DNAH12: variants seen among roughly 807,000 people sequenced by gnomAD.
DNAH12 encodes axonemal beta dynein heavy chain 12.
Under a neutral mutation model 371.5 loss-of-function variants are expected in DNAH12, and 285 were observed. That is an observed-to-expected ratio of 0.77 (90% CI 0.70 to 0.85). DNAH12 has a LOEUF of 0.85. Among genes scored for constraint, DNAH12 ranks in the 40% least tolerant of loss-of-function variants. DNAH12 has a pLI of 0.00. For synonymous variants in DNAH12, 1,200 were observed against 1,213.0 expected (o/e 0.99, Z 0.22); for missense variants, 3,611 against 3,689.4 (o/e 0.98, Z 0.55).
intron 73 of DNAH12, among the ~76,000 whole-genome samples, chr3:57,295,221 T>G (rs2061208515): frequency 6.6e-6 from 1 of 152,024 alleles, no homozygotes; most frequent in East Asian, 1.9e-4. Flanking sequence ...GAATTCAGAA[T>G]CAAAATATGG....
At position 57,462,900 on chromosome 3, in the gene DNAH12, A is replaced by T. The variant is rs750255602; in HGVS notation, c.2350-25T>A. 15 of 1,515,766 alleles carry T rather than the reference A, an allele frequency of 9.9e-6. No homozygotes were observed. In the Admixed American group the frequency reaches 2.0e-4, roughly 20 times the overall value. 93.9% of individuals were successfully genotyped at this position (1,515,766 alleles called of 1,614,324 possible). On this transcript the variant is annotated intron_variant, in intron 17 of 73. Transcript: ENST00000495027. ...CCTAATGGCAAAAATATAAACAATT[A>T]TGAGTCACTCATTTGACTTCCACAC... is the stretch of plus-strand genomic sequence containing the variant.
At chr3:57,523,325 G>A (rs1325474715) in intron 4 of DNAH12, among the ~76,000 whole-genome samples, 1 of 152,114 alleles carries the variant, frequency 6.6e-6, no homozygotes, top group East Asian at 1.9e-4. Context: ...TGGGGCTGCA[G>A]TGACCCGAGA....
chr3:57,420,574 C>T (rs1031498545), intron 36 of DNAH12, among the ~76,000 whole-genome samples: 1 of 152,170 alleles, frequency 6.6e-6, no homozygotes, highest in African/African-American at 2.4e-5. Flanking sequence ...CCTTCACCTT[C>T]TCTAAGCTGG....
chr3:57,322,193 A>G (rs566311276), intron 65 of DNAH12, 150 bp downstream of exon 65: 17 of 797,634 alleles, frequency 2.1e-5, no homozygotes, highest in South Asian at 1.8e-4. Context: ...GGTGAACAAG[A>G]TAAGTACAAT....
intron 62 of DNAH12, among the ~76,000 whole-genome samples, chr3:57,327,068 G>C (rs1308719155): frequency 6.6e-5 from 10 of 151,194 alleles, no homozygotes; most frequent in South Asian, 4.2e-4. Context: ...AGCAAGTCCT[G>C]AGTGACCTAC....
In DNAH12 at chr3:57,313,698, T is replaced by A. The variant is rs535003302; in HGVS notation, c.10662+796A>T. Among the ~76,000 whole-genome samples the A allele has an allele frequency of 1.9e-4, 29 of 152,246 alleles. No individual in the cohort carries two copies. The South Asian group carries it at 5.8e-3, about 30-fold the overall frequency. On this transcript the variant is annotated intron_variant, in intron 66 of 73. Transcript: ENST00000495027. ...GGCATGTGCCTGTAGTCCCAGTTAC[T>A]CCAGAGGCTGAGGCAGGAGGATTGC...
intron 43 of DNAH12, among the ~76,000 whole-genome samples, chr3:57,400,651 C>G (rs2063837961): frequency 6.6e-6 from 1 of 152,070 alleles, no homozygotes; most frequent in East Asian, 1.9e-4. Flanking sequence ...GAATGTGGTC[C>G]CTTTCACTCT....
At chr3:57,526,030 T>A (rs1370267649) in intron 2 of DNAH12, among the ~76,000 whole-genome samples, 2 of 152,136 alleles carry the variant, frequency 1.3e-5, no homozygotes, top group African/African-American at 4.8e-5. Context: ...CCCAAAGTGC[T>A]GGGATTACAG....
chr3:57,546,323 A>G (rs2069573307), upstream of DNAH12, among the ~76,000 whole-genome samples: 1 of 152,012 alleles, frequency 6.6e-6, no homozygotes, highest in Non-Finnish European at 1.5e-5. Context: ...CTCCTTAATC[A>G]TCTTGGAGGT....
At chr3:57,378,520 T>C (rs2063327030) in intron 52 of DNAH12, among the ~76,000 whole-genome samples, 1 of 152,220 alleles carries the variant, frequency 6.6e-6, no homozygotes, top group Non-Finnish European at 1.5e-5. Context: ...GAGCTTGTTT[T>C]AAACACAAGC....
At chr3:57,374,435 A>C (rs2063239437) in intron 55 of DNAH12, among the ~76,000 whole-genome samples, 5 of 152,192 alleles carry the variant, frequency 3.3e-5, no homozygotes, top group Admixed American at 3.3e-4. Flanking sequence ...TTCTCAAAGG[A>C]AAGTAGTTTT....
intron 37 of DNAH12, among the ~76,000 whole-genome samples, chr3:57,417,201 G>C (rs2064405564): frequency 6.6e-6 from 1 of 152,054 alleles, no homozygotes; most frequent in East Asian, 1.9e-4. Flanking sequence ...GGTGAGCTGA[G>C]ATTGTGCCAT....
chr3:57,484,955 G>A (rs1559709595), intron 12 of DNAH12, among the ~76,000 whole-genome samples: 1 of 152,230 alleles, frequency 6.6e-6, no homozygotes, highest in East Asian at 1.9e-4. Context: ...CTAATCATCA[G>A]GGAAATGCAA....
At chr3:57,353,253 G>A (rs2062724682) in intron 59 of DNAH12, among the ~76,000 whole-genome samples, 1 of 151,516 alleles carries the variant, frequency 6.6e-6, no homozygotes, top group South Asian at 2.1e-4. Flanking sequence ...ATACTTATGG[G>A]AATATAAAAT....
chr3:57,458,233 C>G lies in DNAH12; in HGVS notation c.2932-13G>C. Reference sequence around the variant, plus strand: ...TGGCAGCAAGAACCTAAACGAGACACATGCATTCAAGTCAGCACTTTTATG... The same window carrying G: ...TGGCAGCAAGAACCTAAACGAGACAGATGCATTCAAGTCAGCACTTTTATG... On this transcript the variant is annotated splice_polypyrimidine_tract_variant and intron_variant, in intron 20 of 73. Coordinates refer to ENST00000495027, the MANE Select transcript of DNAH12 (RefSeq NM_001366028.2). The G allele has an allele frequency of 6.5e-7, 1 of 1,537,780 alleles. No homozygotes were observed. Among genetic ancestry groups the G allele is most frequent in the Non-Finnish European group, 8.7e-7 (1 of 1,143,468 alleles).
chr3:57,469,000 T>C, intron 16 of DNAH12, 21 bp from the exon 17 acceptor site: 1 of 1,511,780 alleles, frequency 6.6e-7, no homozygotes. Context: ...AGAAAAAATA[T>C]TATTAAACTC....
chr3:57,337,029 AGAGACT>A (rs1553653977), intron 60 of DNAH12, among the ~76,000 whole-genome samples: 1 of 151,660 alleles, frequency 6.6e-6, no homozygotes, highest in Non-Finnish European at 1.5e-5. Context: ...CTGAAAAGAC[AGAGACT>A]GACAGTAACA....
rs2107654627 is a variant in DNAH12, at chr3:57,301,885, A to G, written c.11244T>C (p.Gly3748=). The G allele has an allele frequency of 6.4e-7, 1 of 1,551,510 alleles. No individual in the cohort carries two copies. The highest frequency in any genetic ancestry group is 8.7e-7 in the Non-Finnish European group (1 of 1,146,952). ...CCAATGCAGAATCCATCACAACCAC[A>G]CCCTTAATAGCTTTTTCAAGGTCCC... The part of the protein sequence containing the change: ...TLRDLEKAIK[G]VVVMDSALEA... The change falls in exon 70 of 74, where the codon GGT becomes GGC. Residue 3748 remains glycine (G), a synonymous_variant. Coordinates refer to ENST00000495027, the MANE Select transcript of DNAH12 (RefSeq NM_001366028.2).
At chr3:57,381,061 A>G (rs2063379707) in intron 50 of DNAH12, among the ~76,000 whole-genome samples, 1 of 152,172 alleles carries the variant, frequency 6.6e-6, no homozygotes, top group Admixed American at 6.5e-5. Flanking sequence ...TCTTAAAGAC[A>G]AATTCCGCAC....
Sources: gnomAD v4.1 joint callset for allele counts (sites outside exome capture counted in the v4.1 genomes callset) on GRCh38, gnomAD v4.1.1 for gene constraint, MANE v1.5 for transcripts, NCBI Gene and HGNC (gene_info 2026-07-23, HGNC 2026-07-21) for gene names.